Variants in ABCA1 observed in about 807,000 individuals in gnomAD.
ABCA1 encodes phospholipid-transporting ATPase ABCA1.
ABCA1 carries 133 observed loss-of-function variants against 262.5 expected under a neutral mutation model. The ratio of observed to expected loss-of-function variants is 0.51; its 90% CI spans 0.44 to 0.59. ABCA1 has a LOEUF of 0.59. Among genes scored for constraint, ABCA1 ranks in the 20% least tolerant of loss-of-function variants. ABCA1 has a pLI of 0.00. For missense variants in ABCA1, 2,452 were observed against 2,777.5 expected, an observed-to-expected ratio of 0.88 and a Z score of 2.63; for synonymous variants, 1,022 against 1,043.5, an observed-to-expected ratio of 0.98 and a Z score of 0.40.
chr9:104,897,392 C>G lies in ABCA1; in HGVS notation c.66+6222G>C, dbSNP rs540584961. Among the ~76,000 whole-genome samples, 4 of 152,138 alleles carry G rather than the reference C, an allele frequency of 2.6e-5. No individual in the cohort carries two copies. The East Asian group carries it at 7.7e-4, about 29-fold the overall frequency. ...GTAATCCTGTTCCTCAGATTTTGGC[C>G]TACAGAAATAATACAAAAATAATAA... On this transcript the variant is annotated intron_variant, in intron 2 of 49. Coordinates refer to ENST00000374736, the MANE Select transcript of ABCA1 (RefSeq NM_005502.4).
intron 16 of ABCA1, 58 bp from the exon 17 acceptor site, chr9:104,825,945 T>C: frequency 1.9e-6 from 3 of 1,570,070 alleles, no homozygotes; most frequent in Non-Finnish European, 1.7e-6. Context: ...TTTTTCTATC[T>C]CTTCTAGTGT....
chr9:104,861,447 A>C, intron 6 of ABCA1: 3 of 608,900 alleles, frequency 4.9e-6, no homozygotes, highest in Non-Finnish European at 8.7e-6. Context: ...ATAAGCCAGA[A>C]ATCAATTTTA....
At chr9:104,836,585 C>T (rs1249632644) in intron 11 of ABCA1, among the ~76,000 whole-genome samples, 1 of 152,166 alleles carries the variant, frequency 6.6e-6, no homozygotes, top group Non-Finnish European at 1.5e-5. Context: ...TCAGGCCAGT[C>T]TACATGTAAC....
In ABCA1 at chr9:104,796,053, A is replaced by G. The variant is rs1829870035; in HGVS notation, c.5382T>C (p.Asn1794=). ...GGAGTGTTCTCTCTGCATGACTCAC[A>G]TTGTCGGTGAACAGCTCCAGCACAA... The part of the protein sequence containing the change: ...ATFVLELFTD[N]KLNNINDILK... The change falls in exon 39 of 50, where the codon AAT becomes AAC. Residue 1794 remains asparagine, a splice_region_variant and synonymous_variant. Transcript: ENST00000374736. 6.2e-7 allele frequency: 1 copy of G among 1,612,516 alleles called. No individual in the cohort carries two copies. The highest frequency in any genetic ancestry group is 8.5e-7 in the Non-Finnish European group (1 of 1,179,966).
At chr9:104,868,801 G>A (rs1837317193) in intron 5 of ABCA1, among the ~76,000 whole-genome samples, 1 of 152,166 alleles carries the variant, frequency 6.6e-6, no homozygotes, top group Non-Finnish European at 1.5e-5. Flanking sequence ...AGGCCTCTGG[G>A]ACCAAGCCGG....
At chr9:104,786,067 G>A (rs2118835980) in intron 48 of ABCA1, among the ~76,000 whole-genome samples, 1 of 152,264 alleles carries the variant, frequency 6.6e-6, no homozygotes, top group East Asian at 1.9e-4. Context: ...GATCTTCCAG[G>A]GAAACTAACT....
chr9:104,885,884 C>CA (rs1839129389), intron 3 of ABCA1, among the ~76,000 whole-genome samples: 1 of 152,188 alleles, frequency 6.6e-6, no homozygotes, highest in Admixed American at 6.5e-5. Flanking sequence ...TGGTGAAGAA[C>CA]AAGTAGCTTC....
chr9:104,866,993 T>TAATG (rs1438921125), intron 5 of ABCA1, among the ~76,000 whole-genome samples: 1 of 152,212 alleles, frequency 6.6e-6, no homozygotes, highest in Non-Finnish European at 1.5e-5. Context: ...ATGGATGAAC[T>TAATG]AATGAATGAA....
At chr9:104,883,279 C>T in intron 4 of ABCA1, 122 bp from the exon 5 acceptor site, 2 of 829,804 alleles carry the variant, frequency 2.4e-6, no homozygotes, top group Non-Finnish European at 4.2e-6. Flanking sequence ...ACAGGCTGGC[C>T]CTAACCCACT....
chr9:104,791,083 GC>G (rs1564081041), intron 43 of ABCA1, 55 bp from the exon 44 acceptor site: 6 of 1,247,380 alleles, frequency 4.8e-6, no homozygotes, highest in Non-Finnish European at 7.1e-6. Flanking sequence ...GAATATAAAT[GC>G]CCCTAACACG....
chr9:104,845,848 G>C (rs1160408800), intron 7 of ABCA1, among the ~76,000 whole-genome samples: 1 of 152,194 alleles, frequency 6.6e-6, no homozygotes, highest in Non-Finnish European at 1.5e-5. Flanking sequence ...CATGTGGGCT[G>C]GGGGGATGTG....
intron 30 of ABCA1, among the ~76,000 whole-genome samples, chr9:104,809,182 A>C (rs1017815294): frequency 2.0e-5 from 3 of 152,278 alleles, no homozygotes; most frequent in Non-Finnish European, 4.4e-5. Flanking sequence ...GCATTTCATC[A>C]GTAAGTGTAA....
intron 4 of ABCA1, among the ~76,000 whole-genome samples, 190 bp downstream of exon 4, chr9:104,884,237 G>C (rs553028557): frequency 4.1e-4 from 63 of 152,268 alleles, no homozygotes; most frequent in Admixed American, 1.2e-3. Context: ...AAATACTCGA[G>C]GTGATGGATA....
At chr9:104,889,494 T>C (rs957594665) in intron 2 of ABCA1, 6 of 568,862 alleles carry the variant, frequency 1.1e-5, no homozygotes, top group African/African-American at 1.0e-4. Context: ...TACTAAAATC[T>C]CAGCCTGAGC....
At chr9:104,815,436 C>T (rs982602990) in intron 25 of ABCA1, among the ~76,000 whole-genome samples, 1 of 152,122 alleles carries the variant, frequency 6.6e-6, no homozygotes, top group African/African-American at 2.4e-5. Context: ...TCCCCTTCAG[C>T]CTTCAAGGTC....
intron 5 of ABCA1, among the ~76,000 whole-genome samples, chr9:104,875,141 C>T (rs1407032701): frequency 3.3e-5 from 5 of 151,562 alleles, no homozygotes; most frequent in Non-Finnish European, 5.9e-5. Context: ...TTGTTCTGTA[C>T]TAAGAAAAAT....
At chr9:104,880,085 G>A (rs1015378722) in intron 5 of ABCA1, among the ~76,000 whole-genome samples, 4 of 152,174 alleles carry the variant, frequency 2.6e-5, no homozygotes, top group Non-Finnish European at 5.9e-5. Context: ...CACCCAGAAT[G>A]GGCTACTTAG....
At position 104,824,595 on chromosome 9, in the gene ABCA1, G is replaced by A; in HGVS notation, c.2543-17C>T. The A allele has an allele frequency of 6.2e-7, 1 of 1,612,848 alleles. No individual in the cohort carries two copies. The highest frequency in any genetic ancestry group is 8.5e-7 in the Non-Finnish European group (1 of 1,179,834). Reference sequence around the variant, plus strand: ...CGTACTGGCCTGAAAGCAAAGCACAGGTATGAGCCAAGCTCAGCATCATCC... The same window carrying A: ...CGTACTGGCCTGAAAGCAAAGCACAAGTATGAGCCAAGCTCAGCATCATCC... On this transcript the variant is annotated splice_polypyrimidine_tract_variant and intron_variant, in intron 17 of 49. Coordinates refer to ENST00000374736, the MANE Select transcript of ABCA1 (RefSeq NM_005502.4).
chr9:104,907,366 A>C (rs986038590), intron 1 of ABCA1, among the ~76,000 whole-genome samples: 3 of 152,138 alleles, frequency 2.0e-5, no homozygotes, highest in Non-Finnish European at 4.4e-5. Context: ...CCCTAGGAAG[A>C]CTTGGCTGGG....
Sources: gnomAD v4.1 joint callset for allele counts (sites outside exome capture counted in the v4.1 genomes callset) on GRCh38, gnomAD v4.1.1 for gene constraint, MANE v1.5 for transcripts, NCBI Gene and HGNC (gene_info 2026-07-23, HGNC 2026-07-21) for gene names.